Variants in REPS1 observed in about 807,000 individuals in gnomAD.
REPS1 encodes the protein ralBP1-associated Eps domain-containing protein 1.
Under a neutral mutation model 100.9 loss-of-function variants are expected in REPS1, and 39 were observed. The observed-to-expected ratio is 0.39, with a 90% CI of 0.30 to 0.50. The LOEUF (loss-of-function observed/expected upper bound fraction) is 0.50. Among genes scored for constraint, REPS1 ranks in the 20% least tolerant of loss-of-function variants. The pLI, the probability that REPS1 is intolerant of heterozygous loss-of-function variation, is 0.86. For synonymous variants in REPS1, 324 were observed against 340.3 expected, an observed-to-expected ratio of 0.95 and a Z score of 0.53; for missense variants, 821 against 968.5, an observed-to-expected ratio of 0.85 and a Z score of 2.02.
chr6:138,976,590 GTAT>G (rs1486939814), intron 1 of REPS1, among the ~76,000 whole-genome samples: 7 of 152,064 alleles, frequency 4.6e-5, no homozygotes, highest in African/African-American at 1.7e-4. Flanking sequence ...ATTCTTTGAG[GTAT>G]TATATTTCTA....
chr6:138,920,273 G>T lies in REPS1; in HGVS notation c.1470C>A (p.Asp490Glu). The T allele has an allele frequency of 6.2e-7, 1 of 1,604,422 alleles. No individual in the cohort carries two copies. Among genetic ancestry groups the T allele is most frequent in the Middle Eastern group, 1.7e-4 (1 of 6,038 alleles). ...PTSPLLVKPSDLLEENKINSS... is the reference protein window; with the variant it reads ...PTSPLLVKPSELLEENKINSS... ...AATTTATCTTATTTTCTTCTAAAAG[G>T]TCAGATGGTTTCACAAGTAATGGGC... Residue 490 changes from aspartate (D) to glutamate (E), a missense_variant, in exon 12 of 20, where the codon GAC (aspartate) becomes GAA (glutamate). By Grantham distance (45) the Asp-to-Glu change is conservative. This residue lies in a region of REPS1 where 757 missense variants were observed against 866.4 expected (regional missense o/e 0.87). Coordinates refer to ENST00000450536, the MANE Select transcript of REPS1 (RefSeq NM_001286611.2).
At position 138,925,792 on chromosome 6, in the gene REPS1, G is replaced by A. The variant is rs530068676; in HGVS notation, c.1338+609C>T. 1.4e-4 allele frequency among the ~76,000 whole-genome samples: 21 copies of A among 152,254 alleles called. No homozygotes were observed. The South Asian group carries it at 4.1e-3, about 30-fold the overall frequency. ...GTAGCATATATTAAATTAACTCTAT[G>A]GGGACAGAATTTATTTTTTAAATCA... On this transcript the variant is annotated intron_variant, in intron 10 of 19. Transcript: ENST00000450536.
At chr6:138,979,215 A>G (rs1241191303) in intron 1 of REPS1, among the ~76,000 whole-genome samples, 2 of 150,008 alleles carry the variant, frequency 1.3e-5, no homozygotes, top group Non-Finnish European at 3.0e-5. Context: ...AAAAAACTGA[A>G]GAAGTATCCC....
chr6:138,954,205 G>T (rs914407608), intron 1 of REPS1, among the ~76,000 whole-genome samples: 4 of 151,922 alleles, frequency 2.6e-5, no homozygotes, highest in Non-Finnish European at 5.9e-5. Flanking sequence ...AATAAGGAGA[G>T]ATTTGTTAAG....
At chr6:138,983,238 G>A (rs1454440622) in intron 1 of REPS1, among the ~76,000 whole-genome samples, 1 of 152,154 alleles carries the variant, frequency 6.6e-6, no homozygotes, top group Non-Finnish European at 1.5e-5. Context: ...CAGATCACAA[G>A]GTCAGGAGTT....
chr6:138,945,717 C>G lies in REPS1; in HGVS notation c.278-20G>C, dbSNP rs747004632. 1 of 1,500,388 alleles carries G rather than the reference C, an allele frequency of 6.7e-7. No individual in the cohort carries two copies. The highest frequency in any genetic ancestry group is 2.4e-5 in the East Asian group (1 of 41,992). The allele number at this position is 1,500,388 out of a possible 1,614,324, so 92.9% of individuals were successfully genotyped here. ...CCTTTACTGTTAACCACAAAATAAT[C>G]ATTACTTCAAAATAAAAAAGGACAT... is the stretch of plus-strand genomic sequence containing the variant. On this transcript the variant is annotated intron_variant, in intron 2 of 19. Transcript: ENST00000450536.
chr6:138,966,712 AGTT>A (rs1004478365), intron 1 of REPS1, among the ~76,000 whole-genome samples: 1 of 152,154 alleles, frequency 6.6e-6, no homozygotes, highest in Non-Finnish European at 1.5e-5. Flanking sequence ...ATAAAACACG[AGTT>A]GTTAAGTTTT....
chr6:138,987,693 G>C lies in REPS1; in HGVS notation c.-11C>G. The C allele has an allele frequency of 1.3e-6, 2 of 1,536,410 alleles. No individual in the cohort carries two copies. Among genetic ancestry groups the C allele is most frequent in the Admixed American group, 2.0e-5 (1 of 49,550 alleles). On this transcript the variant is annotated 5_prime_UTR_variant, in exon 1 of 20. Transcript: ENST00000450536. ...CGTTAAGCCTTCCATCTTCGCCTCC[G>C]GCTCACGGCCGCCCCGCCCCGCATG...
intron 17 of REPS1, chr6:138,911,067 A>C: frequency 2.2e-6 from 1 of 450,540 alleles, no homozygotes; most frequent in Non-Finnish European, 3.9e-6. Flanking sequence ...TAACCACTTA[A>C]ATTTTGAGAA....
At position 138,945,091 on chromosome 6, in the gene REPS1, G is replaced by C. The variant is rs1172584667; in HGVS notation, c.628+128C>G. ...TTACTTTCAAAAAATCTCTAAGCCA[G>C]GTTCTGTGGCACAAGCCTATAATCC... On this transcript the variant is annotated intron_variant, in intron 4 of 19. Transcript: ENST00000450536. The C allele has an allele frequency of 2.0e-5, 14 of 715,488 alleles. No individual in the cohort carries two copies. In the East Asian group the frequency reaches 4.0e-4, roughly 21 times the overall value. The allele number at this position is 715,488 out of a possible 1,614,324, so 44.3% of individuals were successfully genotyped here. A position where few individuals can be genotyped will look rare whatever the true frequency, so the allele number is the denominator to read the frequency against.
At chr6:138,973,392 G>A (rs6914989) in intron 1 of REPS1, among the ~76,000 whole-genome samples, 13,374 of 152,032 alleles carry the variant, frequency 0.088, 1,233 homozygotes, top group African/African-American at 0.23. Context: ...GAGTTAGTCT[G>A]TAAATATCTC....
chr6:138,922,498 A>G (rs1780842668), intron 10 of REPS1, among the ~76,000 whole-genome samples: 1 of 152,242 alleles, frequency 6.6e-6, no homozygotes, highest in African/African-American at 2.4e-5. Flanking sequence ...GAATGAAAGC[A>G]CAAAAGAAAG....
intron 8 of REPS1, among the ~76,000 whole-genome samples, chr6:138,930,556 T>C (rs988717767): frequency 4.6e-5 from 7 of 152,204 alleles, no homozygotes; most frequent in Admixed American, 3.3e-4. Context: ...TCAAGACTTG[T>C]GATGTCTCAA....
intron 9 of REPS1, chr6:138,927,096 T>C (rs1010136665): frequency 6.6e-6 from 1 of 152,170 alleles, no homozygotes; most frequent in African/African-American, 2.4e-5. Context: ...AGTCAACCCC[T>C]GCAATCAGCA....
intron 1 of REPS1, among the ~76,000 whole-genome samples, chr6:138,975,337 T>C (rs1784541764): frequency 6.6e-6 from 1 of 152,074 alleles, no homozygotes; most frequent in African/African-American, 2.4e-5. Context: ...AAATTAATTA[T>C]CCAGTGAAAG....
At position 138,908,824 on chromosome 6, in the gene REPS1, A is replaced by C. The variant is rs1779829800; in HGVS notation, c.2068-8T>G. On this transcript the variant is annotated splice_region_variant and splice_polypyrimidine_tract_variant and intron_variant, in intron 17 of 19. Coordinates refer to ENST00000450536, the MANE Select transcript of REPS1 (RefSeq NM_001286611.2). ...TGGTGTTGTGCCTTTGCTCTTTAAGACAAGAATTCCATTAATAATAAGCAT... is the reference window on the plus strand; with the variant it reads ...TGGTGTTGTGCCTTTGCTCTTTAAGCCAAGAATTCCATTAATAATAAGCAT... 6.2e-7 allele frequency: 1 copy of C among 1,610,488 alleles called. No homozygotes were observed. Among genetic ancestry groups the C allele is most frequent in the African/African-American group, 1.3e-5 (1 of 74,740 alleles).
At chr6:138,950,268 G>A (rs1782928282) in intron 1 of REPS1, among the ~76,000 whole-genome samples, 1 of 152,050 alleles carries the variant, frequency 6.6e-6, no homozygotes, top group South Asian at 2.1e-4. Context: ...GAGGCCAGGA[G>A]TTCAAGACCA....
chr6:138,912,641 T>C, intron 16 of REPS1, 124 bp downstream of exon 16: 1 of 894,210 alleles, frequency 1.1e-6, no homozygotes, highest in Non-Finnish European at 1.8e-6. Context: ...ATAAAAAAGA[T>C]GAGAAGCACT....
intron 19 of REPS1, among the ~76,000 whole-genome samples, chr6:138,905,570 C>T (rs938722491): frequency 2.0e-5 from 3 of 148,122 alleles, no homozygotes; most frequent in Admixed American, 1.3e-4. Flanking sequence ...GGATTACAGG[C>T]GTGAGCCACC....
Sources: gnomAD v4.1 joint callset for allele counts (sites outside exome capture counted in the v4.1 genomes callset) on GRCh38, gnomAD v4.1.1 for gene constraint, gnomAD v4.1.1 regional missense constraint, MANE v1.5 for transcripts, NCBI Gene and HGNC (gene_info 2026-07-23, HGNC 2026-07-21) for gene names.